Variants in NPRL3 observed in about 807,000 individuals in gnomAD.
NPRL3 encodes the protein NPR3 like, GATOR1 complex subunit.
A neutral mutation model predicts 57.2 loss-of-function variants in NPRL3; 23 were observed. That is an observed-to-expected ratio of 0.40 (90% CI 0.29 to 0.57). NPRL3 has a LOEUF of 0.57. Ranked by LOEUF, NPRL3 falls within the 20% of genes least tolerant of loss-of-function variation. The pLI is 0.42. For missense variants in NPRL3, 691 were observed against 767.1 expected (o/e 0.90, Z 1.17); for synonymous variants, 333 against 321.1 (o/e 1.04, Z -0.39).
intron 9 of NPRL3, 36 bp downstream of exon 9, chr16:98,109 G>T (rs767954646): frequency 1.3e-6 from 2 of 1,599,928 alleles, no homozygotes; most frequent in Admixed American, 1.7e-5. Context: ...CCCCAGCACC[G>T]CCACATGCCA....
At chr16:120,023 T>C (rs1212369803) in intron 3 of NPRL3, among the ~76,000 whole-genome samples, 1 of 152,178 alleles carries the variant, frequency 6.6e-6, no homozygotes, top group African/African-American at 2.4e-5. Flanking sequence ...GCAATGCTGA[T>C]GCCTCCTGCC....
At chr16:114,940 A>G (rs1899965375) in intron 5 of NPRL3, among the ~76,000 whole-genome samples, 1 of 151,680 alleles carries the variant, frequency 6.6e-6, no homozygotes, top group African/African-American at 2.4e-5. Context: ...TCTCTATTTC[A>G]GGGTTTAAAA....
chr16:106,650 A>G (rs1014647802), intron 7 of NPRL3, among the ~76,000 whole-genome samples: 1 of 150,374 alleles, frequency 6.7e-6, no homozygotes, highest in African/African-American at 2.4e-5. Context: ...AAAAAAAAAA[A>G]AAAAAAAAGA....
intron 2 of NPRL3, among the ~76,000 whole-genome samples, chr16:136,826 T>C (rs1295406524): frequency 2.6e-5 from 4 of 152,014 alleles, no homozygotes; most frequent in African/African-American, 9.7e-5. Flanking sequence ...GAAAGAACTT[T>C]CTTTTCATAA....
At chr16:122,206 A>T (rs1900312792) in intron 3 of NPRL3, among the ~76,000 whole-genome samples, 1 of 151,224 alleles carries the variant, frequency 6.6e-6, no homozygotes, top group Non-Finnish European at 1.5e-5. Context: ...AAGCGATTCT[A>T]CTGCCTCAGC....
At chr16:121,851 T>C (rs1325553130) in intron 3 of NPRL3, among the ~76,000 whole-genome samples, 2 of 151,876 alleles carry the variant, frequency 1.3e-5, no homozygotes, top group Non-Finnish European at 2.9e-5. Flanking sequence ...CTCGGCTCAC[T>C]GCAACCTCCG....
chr16:131,034 T>C (rs1266728093), intron 2 of NPRL3, among the ~76,000 whole-genome samples: 1 of 152,244 alleles, frequency 6.6e-6, no homozygotes, highest in Non-Finnish European at 1.5e-5. Context: ...ACAAATCTTA[T>C]GTTATCTTCA....
At chr16:95,360 C>T (rs368908071) in intron 9 of NPRL3, among the ~76,000 whole-genome samples, 34,235 of 99,138 alleles carry the variant, frequency 0.35, 5,329 homozygotes, top group Non-Finnish European at 0.46. Context: ...TACACACACA[C>T]ACACACACAC....
chr16:129,994 C>G (rs1900717750), intron 3 of NPRL3, among the ~76,000 whole-genome samples: 1 of 152,130 alleles, frequency 6.6e-6, no homozygotes, highest in African/African-American at 2.4e-5. Flanking sequence ...AGCAGGGGCA[C>G]AAACACAGGA....
intron 4 of NPRL3, among the ~76,000 whole-genome samples, 197 bp downstream of exon 4, chr16:118,929 C>T (rs1212987432): frequency 2.7e-5 from 4 of 147,240 alleles, no homozygotes; most frequent in Non-Finnish European, 6.0e-5. Flanking sequence ...TCTGTACCTG[C>T]CCAGGGGAAG....
intron 2 of NPRL3, among the ~76,000 whole-genome samples, chr16:133,215 C>T (rs1900895410): frequency 1.3e-5 from 2 of 152,134 alleles, no homozygotes; most frequent in Non-Finnish European, 2.9e-5. Flanking sequence ...TTTTATCATG[C>T]ATTCACTGTT....
chr16:131,222 G>C (rs1371872148), intron 2 of NPRL3, among the ~76,000 whole-genome samples: 1 of 152,042 alleles, frequency 6.6e-6, no homozygotes, highest in Non-Finnish European at 1.5e-5. Flanking sequence ...GTTCACGCCT[G>C]TAATCCCAGC....
chr16:124,255 C>G (rs933211488), intron 3 of NPRL3, among the ~76,000 whole-genome samples: 3 of 152,232 alleles, frequency 2.0e-5, no homozygotes, highest in African/African-American at 7.2e-5. Context: ...AGTCATTTTT[C>G]AGAAGTAAGC....
chr16:121,597 G>C (rs1057486419), intron 3 of NPRL3, among the ~76,000 whole-genome samples: 2 of 147,836 alleles, frequency 1.4e-5, no homozygotes, highest in South Asian at 4.6e-4. Flanking sequence ...TCCAGCCTGG[G>C]TGACAGAGCG....
At chr16:137,087 C>T (rs1280221578) in intron 2 of NPRL3, among the ~76,000 whole-genome samples, 1 of 120,826 alleles carries the variant, frequency 8.3e-6, no homozygotes, top group East Asian at 2.4e-4. Flanking sequence ...GGGTGTGGTG[C>T]ACATGCCCTG....
intron 12 of NPRL3, chr16:89,292 T>G: frequency 3.8e-6 from 1 of 262,950 alleles, no homozygotes; most frequent in Non-Finnish European, 7.3e-6. Flanking sequence ...TTCCACCCCC[T>G]TCCTTCCCCA....
Position 138,263 on chromosome 16 carries a change from C to G in NPRL3, c.5G>C (p.Arg2Pro), listed in dbSNP as rs752487586. 25 of 1,597,522 alleles carry G rather than the reference C, an allele frequency of 1.6e-5. No individual in the cohort carries two copies. Among genetic ancestry groups the G allele is most frequent in the Non-Finnish European group, 2.0e-5 (24 of 1,173,112 alleles). Residue 2 changes from arginine (R) to proline (P), a missense_variant, in exon 2 of 14, where the codon CGG becomes CCG. By Grantham distance (103) the Arg-to-Pro change is moderately radical. Coordinates refer to ENST00000611875, the MANE Select transcript of NPRL3 (RefSeq NM_001077350.3). ...CACGCTGATGGGGCTGGTGTTGTCC[C>G]GCATCCCGCCGTGGGGCCGGGGCCG... M[R>P]DNTSPISVIL...
intron 5 of NPRL3, among the ~76,000 whole-genome samples, chr16:114,835 T>G (rs1225626111): frequency 6.6e-6 from 1 of 152,076 alleles, no homozygotes; most frequent in Non-Finnish European, 1.5e-5. Context: ...ACATAAGGTC[T>G]GGGACTTGCC....
chr16:87,405 T>A (rs1391534919), intron 13 of NPRL3, among the ~76,000 whole-genome samples: 3 of 151,682 alleles, frequency 2.0e-5, no homozygotes, highest in Admixed American at 2.0e-4. Context: ...GGCTAATTTC[T>A]CTCTTTTTTA....
Sources: gnomAD v4.1 joint callset for allele counts (sites outside exome capture counted in the v4.1 genomes callset) on GRCh38, gnomAD v4.1.1 for gene constraint, MANE v1.5 for transcripts, NCBI Gene and HGNC (gene_info 2026-07-23, HGNC 2026-07-21) for gene names.